The following CRYBG3 variants were observed in gnomAD, a reference collection of about 807,000 sequenced individuals.
CRYBG3 encodes crystallin beta-gamma domain containing 3.
Under a neutral mutation model 244.2 loss-of-function variants are expected in CRYBG3, and 127 were observed. That is an observed-to-expected ratio of 0.52 (90% CI 0.45 to 0.60). The LOEUF (loss-of-function observed/expected upper bound fraction) is 0.60. Among genes scored for constraint, CRYBG3 ranks in the 20% least tolerant of loss-of-function variants. CRYBG3 has a pLI of 0.00. For synonymous variants in CRYBG3, 1,132 were observed against 1,195.8 expected (o/e 0.95, Z 1.10); for missense variants, 3,325 against 3,442.5 (o/e 0.97, Z 0.85).
At chr3:97,881,823 C>CCTATAATAGTATACTATACACTATA (rs554743621) in intron 7 of CRYBG3, among the ~76,000 whole-genome samples, 2,036 of 151,922 alleles carry the variant, frequency 0.013, 41 homozygotes, top group African/African-American at 0.046. Flanking sequence ...ATAGTATTCT[C>CCTATAATAGTATACTATACACTATA]CTATAATAGT....
At chr3:97,837,521 G>C (rs2038751309) in intron 1 of CRYBG3, among the ~76,000 whole-genome samples, 1 of 152,120 alleles carries the variant, frequency 6.6e-6, no homozygotes, top group African/African-American at 2.4e-5. Flanking sequence ...TCATGTAGTA[G>C]AAGTGAAAAT....
chr3:97,942,629 A>G (rs1439320730), intron 21 of CRYBG3, 186 bp downstream of exon 21: 5 of 536,686 alleles, frequency 9.3e-6, no homozygotes, highest in Admixed American at 3.5e-5. Context: ...CCAAACAACA[A>G]AGCTTAGGGT....
chr3:97,937,803 T>C (rs528764528), intron 19 of CRYBG3, among the ~76,000 whole-genome samples: 1 of 152,206 alleles, frequency 6.6e-6, no homozygotes, highest in African/African-American at 2.4e-5. Flanking sequence ...GGAATGAATA[T>C]ATCAGTGGAT....
intron 2 of CRYBG3, among the ~76,000 whole-genome samples, chr3:97,850,819 C>T (rs2038973598): frequency 6.6e-6 from 1 of 152,078 alleles, no homozygotes; most frequent in Non-Finnish European, 1.5e-5. Context: ...CAACCCACCA[C>T]GATGAAATCC....
intron 12 of CRYBG3, among the ~76,000 whole-genome samples, chr3:97,896,893 A>T (rs2039646399): frequency 6.6e-6 from 1 of 152,288 alleles, no homozygotes; most frequent in Non-Finnish European, 1.5e-5. Flanking sequence ...GTTTAGGGAA[A>T]TGTGGTTAAG....
chr3:97,830,694 C>T (rs926508255), intron 1 of CRYBG3, among the ~76,000 whole-genome samples: 7 of 152,100 alleles, frequency 4.6e-5, no homozygotes, highest in Admixed American at 2.6e-4. Context: ...GAGGCTAGTA[C>T]GATTTCTGGA....
chr3:97,822,054 T>A lies in CRYBG3; in HGVS notation c.-153T>A. ...GCGAGGAGCGCGTCGCGTCCGCACT[T>A]CTCCTGCCCGAGAGAGACTGAGCCG... is the stretch of plus-strand genomic sequence containing the variant. On this transcript the variant is annotated 5_prime_UTR_variant, in exon 1 of 22. Coordinates refer to ENST00000389622, the MANE Select transcript of CRYBG3 (RefSeq NM_153605.4). 1.8e-6 allele frequency: 1 copy of A among 545,674 alleles called. No individual in the cohort carries two copies. 33.8% of individuals were successfully genotyped at this position (545,674 alleles called of 1,614,324 possible).
At chr3:97,881,522 C>A (rs977607041) in intron 7 of CRYBG3, among the ~76,000 whole-genome samples, 3 of 149,272 alleles carry the variant, frequency 2.0e-5, no homozygotes, top group Non-Finnish European at 4.5e-5. Flanking sequence ...TCGAGACCAT[C>A]CTGGCCAACA....
At chr3:97,858,041 C>G (rs1199631845) in intron 2 of CRYBG3, among the ~76,000 whole-genome samples, 1 of 151,676 alleles carries the variant, frequency 6.6e-6, no homozygotes, top group Admixed American at 6.6e-5. Context: ...TGTGGGGCAC[C>G]CTTAAGCATT....
At chr3:97,832,471 G>A (rs10154996) in intron 1 of CRYBG3, among the ~76,000 whole-genome samples, 67,499 of 151,860 alleles carry the variant, frequency 0.44, 16,213 homozygotes, top group East Asian at 0.67. Flanking sequence ...AATGGGGAAA[G>A]GATTCCCTAT....
At chr3:97,899,787 TCTC>T (rs1187570485) in intron 14 of CRYBG3, among the ~76,000 whole-genome samples, 1 of 152,082 alleles carries the variant, frequency 6.6e-6, no homozygotes, top group Admixed American at 6.5e-5. Context: ...GAAGGAATAA[TCTC>T]CTTGTATGCA....
chr3:97,879,292 C>T (rs1026556347), intron 4 of CRYBG3, among the ~76,000 whole-genome samples: 6 of 152,190 alleles, frequency 3.9e-5, no homozygotes, highest in Admixed American at 3.3e-4. Flanking sequence ...CAACCTGCCA[C>T]ATTTTCCACT....
intron 1 of CRYBG3, among the ~76,000 whole-genome samples, chr3:97,842,015 T>G (rs978488645): frequency 5.3e-5 from 8 of 152,186 alleles, no homozygotes; most frequent in Admixed American, 2.0e-4. Flanking sequence ...CTTATTTCTT[T>G]TATGCTTCGT....
chr3:97,909,443 A>T (rs1364402466), intron 15 of CRYBG3, among the ~76,000 whole-genome samples: 15 of 148,936 alleles, frequency 1.0e-4, no homozygotes, highest in African/African-American at 3.2e-4. Context: ...GGCTTTGCTC[A>T]TTTCTTTTTA....
chr3:97,904,089 C>T (rs1314137611), intron 15 of CRYBG3, among the ~76,000 whole-genome samples: 1 of 152,102 alleles, frequency 6.6e-6, no homozygotes, highest in Non-Finnish European at 1.5e-5. Flanking sequence ...CTAGTTTTTC[C>T]AAGGACTGAA....
chr3:97,918,227 G>A (rs2039947936), intron 17 of CRYBG3, among the ~76,000 whole-genome samples: 1 of 152,170 alleles, frequency 6.6e-6, no homozygotes, highest in Admixed American at 6.5e-5. Context: ...ATAATATTGA[G>A]AAGTCTTAAG....
chr3:97,907,340 C>CACA (rs2039789096), intron 15 of CRYBG3, among the ~76,000 whole-genome samples: 1 of 152,118 alleles, frequency 6.6e-6, no homozygotes, highest in South Asian at 2.1e-4. Context: ...CCTCCTTGTA[C>CACA]CTCTGGTAGA....
At position 97,944,402 on chromosome 3, in the gene CRYBG3, T is replaced by C. The variant is rs991952664; in HGVS notation, c.*1088T>C. On this transcript the variant is annotated 3_prime_UTR_variant, in exon 22 of 22. Transcript: ENST00000389622. ...CTGAAAATTACATTTTGACAACTTT[T>C]TTTCCTTTTATCCCCAACTTTTGCC... The C allele has an allele frequency of 1.3e-5, 2 of 152,330 alleles. No individual in the cohort carries two copies. Among genetic ancestry groups the C allele is most frequent in the East Asian group, 3.9e-4 (2 of 5,178 alleles). The allele number at this position is 152,330 out of a possible 1,614,324, so 9.4% of individuals were successfully genotyped here.
chr3:97,874,893 A>C lies in CRYBG3; in HGVS notation c.3699A>C (p.Ile1233=), dbSNP rs769357636. The change falls in exon 4 of 22, where the codon ATA becomes ATC. Residue 1233 remains isoleucine (I), a synonymous_variant. Coordinates refer to ENST00000389622, the MANE Select transcript of CRYBG3 (RefSeq NM_153605.4). ...TCQEHIAIEG[I]MNLGTLKEDI... Reference sequence around the variant, plus strand: ...AGGAGCATATAGCCATAGAAGGTATAATGAATCTGGGTACCCTGAAAGAAG... The same window carrying C: ...AGGAGCATATAGCCATAGAAGGTATCATGAATCTGGGTACCCTGAAAGAAG... 5 of 1,535,004 alleles carry C rather than the reference A, an allele frequency of 3.3e-6. No homozygotes were observed. In the African/African-American group the frequency reaches 6.9e-5, roughly 21 times the overall value.
Sources: gnomAD v4.1 joint callset for allele counts (sites outside exome capture counted in the v4.1 genomes callset) on GRCh38, gnomAD v4.1.1 for gene constraint, MANE v1.5 for transcripts, NCBI Gene and HGNC (gene_info 2026-07-23, HGNC 2026-07-21) for gene names.